Variants in STK39 observed in about 807,000 individuals in gnomAD.
STK39 encodes the protein serine/threonine kinase 39.
STK39 carries 20 observed loss-of-function variants against 77.8 expected under a neutral mutation model. The observed-to-expected ratio is 0.26, with a 90% CI of 0.18 to 0.37. The LOEUF (loss-of-function observed/expected upper bound fraction) is 0.37, where lower values mean the gene tolerates loss of function less well. STK39 is among the 10% of genes least tolerant of loss of function. STK39 has a pLI of 1.00. For synonymous variants in STK39, 246 were observed against 234.1 expected (o/e 1.05, Z -0.47); for missense variants, 479 against 656.5 (o/e 0.73, Z 2.95).
chr2:167,969,821 C>T (rs1475645114), intron 16 of STK39, among the ~76,000 whole-genome samples: 2 of 152,198 alleles, frequency 1.3e-5, no homozygotes, highest in African/African-American at 2.4e-5. Flanking sequence ...AACATGTAGG[C>T]AGACCATGTT....
chr2:168,116,014 AG>A (rs1164438861), intron 10 of STK39, among the ~76,000 whole-genome samples: 1 of 152,184 alleles, frequency 6.6e-6, no homozygotes, highest in African/African-American at 2.4e-5. Context: ...CTGCCACTCA[AG>A]GTTACCCCAT....
chr2:168,006,056 A>C (rs527900296), intron 16 of STK39, among the ~76,000 whole-genome samples: 1 of 152,364 alleles, frequency 6.6e-6, no homozygotes, highest in South Asian at 2.1e-4. Flanking sequence ...AGAAATTCCA[A>C]CATCTGGTTC....
chr2:168,224,832 T>C (rs1196345238), intron 1 of STK39, among the ~76,000 whole-genome samples: 1 of 152,230 alleles, frequency 6.6e-6, no homozygotes, highest in African/African-American at 2.4e-5. Context: ...ATTTGTCTTT[T>C]ACCCAGCAAC....
intron 14 of STK39, among the ~76,000 whole-genome samples, chr2:168,059,166 A>C (rs1246552124): frequency 4.6e-5 from 7 of 152,072 alleles, no homozygotes; most frequent in Non-Finnish European, 1.0e-4. Context: ...ATATTACTTT[A>C]TTTGGAGAGG....
intron 17 of STK39, among the ~76,000 whole-genome samples, chr2:167,963,809 C>T (rs1692067506): frequency 6.6e-6 from 1 of 152,194 alleles, no homozygotes; most frequent in African/African-American, 2.4e-5. Context: ...TGGTCACCCA[C>T]ATTTTCCATT....
At chr2:168,093,203 A>C (rs1686571961) in intron 10 of STK39, among the ~76,000 whole-genome samples, 1 of 152,204 alleles carries the variant, frequency 6.6e-6, no homozygotes, top group Non-Finnish European at 1.5e-5. Context: ...CCATCTTCTC[A>C]AACTCCCATT....
At chr2:168,236,796 C>T (rs540663823) in intron 1 of STK39, among the ~76,000 whole-genome samples, 152 of 152,094 alleles carry the variant, frequency 1.0e-3, no homozygotes, top group African/African-American at 3.3e-3. Context: ...CTGTTCTGTT[C>T]CATTGGTCTA....
At chr2:167,995,388 G>T (rs893559314) in intron 16 of STK39, among the ~76,000 whole-genome samples, 1 of 152,150 alleles carries the variant, frequency 6.6e-6, no homozygotes. Flanking sequence ...GATTACAGGC[G>T]TGAGCCCCCG....
chr2:168,148,551 C>A (rs1438021157), intron 5 of STK39, among the ~76,000 whole-genome samples: 3 of 152,198 alleles, frequency 2.0e-5, no homozygotes, highest in Non-Finnish European at 4.4e-5. Flanking sequence ...GAAAGCTCAG[C>A]AGGACAAGTC....
intron 1 of STK39, among the ~76,000 whole-genome samples, chr2:168,233,771 A>C (rs183403224): frequency 6.6e-6 from 1 of 152,208 alleles, no homozygotes; most frequent in Non-Finnish European, 1.5e-5. Context: ...TCTTCATAAC[A>C]TAAGACAAAC....
At chr2:168,108,530 G>A (rs150878540) in intron 10 of STK39, among the ~76,000 whole-genome samples, 29 of 151,882 alleles carry the variant, frequency 1.9e-4, no homozygotes, top group African/African-American at 6.5e-4. Flanking sequence ...CCTGGGTGAC[G>A]GAGCGAGACC....
At chr2:168,093,050 C>T (rs917085858) in intron 10 of STK39, among the ~76,000 whole-genome samples, 3 of 152,176 alleles carry the variant, frequency 2.0e-5, no homozygotes, top group African/African-American at 7.2e-5. Flanking sequence ...CCCCTGGAAG[C>T]CCTGCAAGAA....
At chr2:168,197,184 AAAAGT>A (rs1253806047) in intron 1 of STK39, among the ~76,000 whole-genome samples, 1 of 152,178 alleles carries the variant, frequency 6.6e-6, no homozygotes, top group Non-Finnish European at 1.5e-5. Context: ...AGAGAAGAAG[AAAAGT>A]AAAGTGGCTG....
intron 10 of STK39, among the ~76,000 whole-genome samples, chr2:168,102,193 T>C (rs902859410): frequency 6.6e-6 from 1 of 152,022 alleles, no homozygotes; most frequent in African/African-American, 2.4e-5. Flanking sequence ...AGAAGTAGAA[T>C]TTCTGGGCCA....
chr2:168,218,925 C>T (rs1231831608), intron 1 of STK39, among the ~76,000 whole-genome samples: 1 of 151,748 alleles, frequency 6.6e-6, no homozygotes. Context: ...GACAGGCATG[C>T]TTTTTATTCT....
intron 1 of STK39, among the ~76,000 whole-genome samples, chr2:168,231,725 G>C (rs7574739): frequency 6.6e-6 from 1 of 151,966 alleles, no homozygotes; most frequent in African/African-American, 2.4e-5. Flanking sequence ...GTGTGCCAGA[G>C]TGCTCTGTGA....
At chr2:167,981,564 T>C (rs183198839) in intron 16 of STK39, among the ~76,000 whole-genome samples, 25 of 152,340 alleles carry the variant, frequency 1.6e-4, no homozygotes, top group African/African-American at 5.1e-4. Flanking sequence ...AAAGAACTTA[T>C]GGAATACAAA....
intron 12 of STK39, among the ~76,000 whole-genome samples, chr2:168,070,553 G>A (rs927342491): frequency 2.0e-5 from 3 of 150,280 alleles, no homozygotes; most frequent in Admixed American, 6.6e-5. Context: ...CCATTAACTC[G>A]TCATTTACAT....
At chr2:167,958,714 T>C (rs899071662) in intron 17 of STK39, among the ~76,000 whole-genome samples, 2 of 152,238 alleles carry the variant, frequency 1.3e-5, no homozygotes, top group Non-Finnish European at 2.9e-5. Context: ...TATCATTTAT[T>C]ACTGCACTAG....
Sources: allele counts gnomAD v4.1 joint callset (sites outside exome capture counted in the v4.1 genomes callset), GRCh38; gene constraint gnomAD v4.1.1; transcripts MANE v1.5; gene names NCBI Gene and HGNC (gene_info 2026-07-23, HGNC 2026-07-21).